Variants in KCNJ4 observed in about 807,000 individuals in gnomAD.
The protein encoded by KCNJ4 is potassium inwardly rectifying channel subfamily J member 4.
KCNJ4 carries 3 observed loss-of-function variants against 25.6 expected under a neutral mutation model. That is an observed-to-expected ratio of 0.12 (90% CI 0.05 to 0.30). The LOEUF (loss-of-function observed/expected upper bound fraction) is 0.30, where lower values mean the gene tolerates loss of function less well. Ranked by LOEUF, KCNJ4 falls within the 10% of genes least tolerant of loss-of-function variation. The pLI, the probability that KCNJ4 is intolerant of heterozygous loss-of-function variation, is 1.00. For synonymous variants in KCNJ4, 257 were observed against 283.9 expected, an observed-to-expected ratio of 0.91 and a Z score of 0.95; for missense variants, 286 against 666.8, an observed-to-expected ratio of 0.43 and a Z score of 6.29.
chr22:38,449,643 C>T lies in KCNJ4; in HGVS notation c.-40+5337G>A, dbSNP rs939087815. Among the ~76,000 whole-genome samples the T allele has an allele frequency of 1.3e-5, 2 of 152,234 alleles. No individual in the cohort carries two copies. Among genetic ancestry groups the T allele is most frequent in the African/African-American group, 2.4e-5 (1 of 41,456 alleles). On this transcript the variant is annotated intron_variant, in intron 1 of 1. Transcript: ENST00000303592. The surrounding 1 kb of genome is among the most constrained non-coding windows in gnomAD (Gnocchi z 5.2). ...GGGCAGGGGCCACACGCCAGCACTCCTCCCCACCGGTTTCCCACCCTGTGT... is the reference window on the plus strand; with the variant it reads ...GGGCAGGGGCCACACGCCAGCACTCTTCCCCACCGGTTTCCCACCCTGTGT...
intron 1 of KCNJ4, among the ~76,000 whole-genome samples, chr22:38,447,575 G>A (rs113865859): frequency 6.6e-6 from 1 of 152,240 alleles, no homozygotes; most frequent in Non-Finnish European, 1.5e-5. Flanking sequence ...GGAGAGGGGA[G>A]GCTCCTGGGG....
At chr22:38,446,731 G>A (rs1172322089) in intron 1 of KCNJ4, among the ~76,000 whole-genome samples, 5 of 152,108 alleles carry the variant, frequency 3.3e-5, no homozygotes, top group Non-Finnish European at 7.4e-5. Context: ...GAGGTGGATG[G>A]ATCACATGAG....
Position 38,443,766 on chromosome 22 carries a change from C to A in KCNJ4, c.-40+11214G>T, listed in dbSNP as rs1171660896. Among the ~76,000 whole-genome samples the A allele has an allele frequency of 6.6e-6, 1 of 152,094 alleles. No homozygotes were observed. Among genetic ancestry groups the A allele is most frequent in the East Asian group, 1.9e-4 (1 of 5,182 alleles). On this transcript the variant is annotated intron_variant, in intron 1 of 1. Transcript: ENST00000303592. This position sits in a 1 kb window ranked among gnomAD's most constrained non-coding sequence, Gnocchi z 4.1. The stretch of plus-strand genomic sequence containing the variant: ...CAAAGAGCCACATCACTATTGCAGC[C>A]CACAGTCTCTGCCCACCACCTCCTC...
chr22:38,427,440 C>T lies in KCNJ4; in HGVS notation c.693G>A (p.Glu231=). 6.2e-7 allele frequency: 1 copy of T among 1,613,600 alleles called. No individual in the cohort carries two copies. The highest frequency in any genetic ancestry group is 8.5e-7 in the Non-Finnish European group (1 of 1,179,744). ...AQLIKPYMTQ[E]GEYLPLDQRD... The stretch of plus-strand genomic sequence containing the variant: ...GCTGGTCCAGGGGCAGGTACTCGCC[C>T]TCCTGGGTCATGTAGGGCTTGATGA... The change falls in exon 2 of 2, where the codon GAG becomes GAA. Residue 231 remains glutamate (E), a synonymous_variant. Transcript: ENST00000303592.
chr22:38,447,412 C>T (rs1226196370), intron 1 of KCNJ4, among the ~76,000 whole-genome samples: 1 of 152,170 alleles, frequency 6.6e-6, no homozygotes, highest in Non-Finnish European at 1.5e-5. Flanking sequence ...CTCCATTTCA[C>T]CCCCAGCCAG....
chr22:38,429,600 G>T (rs1221365408), intron 1 of KCNJ4, among the ~76,000 whole-genome samples: 1 of 152,188 alleles, frequency 6.6e-6, no homozygotes, highest in Non-Finnish European at 1.5e-5. Context: ...CTTCCCAGGA[G>T]CTGGTGACAG....
In KCNJ4 at chr22:38,443,062, C is replaced by T. The variant is rs923610940; in HGVS notation, c.-40+11918G>A. On this transcript the variant is annotated intron_variant, in intron 1 of 1. Transcript: ENST00000303592. This position sits in a 1 kb window ranked among gnomAD's most constrained non-coding sequence, Gnocchi z 4.1. ...AGCCCTTCTTGAAGGGCATGACTTA[C>T]TCTCCACTCTTCCTCACCTCCTAGT... is the stretch of plus-strand genomic sequence containing the variant. Among the ~76,000 whole-genome samples, 1 of 152,134 alleles carries T rather than the reference C, an allele frequency of 6.6e-6. No homozygotes were observed. The highest frequency in any genetic ancestry group is 1.5e-5 in the Non-Finnish European group (1 of 68,020).
intron 1 of KCNJ4, among the ~76,000 whole-genome samples, chr22:38,434,631 C>T (rs1335807569): frequency 1.3e-5 from 2 of 152,096 alleles, no homozygotes; most frequent in Admixed American, 6.6e-5. Context: ...TGCCACATCA[C>T]CCTGCTCAAC....
rs552980929 is a variant in KCNJ4 at position 38,452,494 on chromosome 22, T to C, written c.-40+2486A>G. ...GTGAGCAGGAAGACAGGAAAGAAAG[T>C]TGAGGGCTGGCCACTTGCCCCCGGC... On this transcript the variant is annotated intron_variant, in intron 1 of 1. Coordinates refer to ENST00000303592, the MANE Select transcript of KCNJ4 (RefSeq NM_152868.3). Among the ~76,000 whole-genome samples the C allele has an allele frequency of 4.1e-4, 62 of 152,306 alleles. No homozygotes were observed. The East Asian group carries it at 0.011, about 27-fold the overall frequency.
intron 1 of KCNJ4, among the ~76,000 whole-genome samples, chr22:38,432,285 A>AAAT (rs10632921): frequency 3.3e-5 from 4 of 120,858 alleles, no homozygotes; most frequent in African/African-American, 1.7e-4. Context: ...ATAAATAAAT[A>AAAT]AAATAAAATA....
At chr22:38,436,107 G>A (rs2267386) in intron 1 of KCNJ4, among the ~76,000 whole-genome samples, 4,411 of 152,226 alleles carry the variant, frequency 0.029, 103 homozygotes, top group East Asian at 0.12. Context: ...GACCTTATGC[G>A]AGGAACTTAA....
At chr22:38,435,048 C>G (rs904536294) in intron 1 of KCNJ4, among the ~76,000 whole-genome samples, 1 of 152,232 alleles carries the variant, frequency 6.6e-6, no homozygotes, top group African/African-American at 2.4e-5. Flanking sequence ...AGCTGGGGAA[C>G]CCCTTCCACT....
chr22:38,446,815 G>C (rs1014328837), intron 1 of KCNJ4, among the ~76,000 whole-genome samples: 1 of 152,072 alleles, frequency 6.6e-6, no homozygotes, highest in African/African-American at 2.4e-5. Context: ...AATTAACCGA[G>C]CATGGTGGTG....
chr22:38,435,628 G>GGCTGCAGTGAGCCAAGATCGTGCC (rs1167710924), intron 1 of KCNJ4, among the ~76,000 whole-genome samples: 20 of 151,674 alleles, frequency 1.3e-4, no homozygotes, highest in Non-Finnish European at 2.2e-4. Context: ...AGGAGGCAGG[G>GGCTGCAGTGAGCCAAGATCGTGCC]GCTGCAGTGA....
intron 1 of KCNJ4, among the ~76,000 whole-genome samples, chr22:38,440,653 G>C (rs1191624757): frequency 6.6e-6 from 1 of 152,254 alleles, no homozygotes. Flanking sequence ...AGAGTGCAGT[G>C]CCAGTCGCTG....
Position 38,443,247 on chromosome 22 carries a change from C to A in KCNJ4, c.-40+11733G>T, listed in dbSNP as rs1353218707. On this transcript the variant is annotated intron_variant, in intron 1 of 1. Transcript: ENST00000303592. The surrounding 1 kb of genome is among the most constrained non-coding windows in gnomAD (Gnocchi z 4.1). ...TCTCCTGCCTCTGGCCTCTCCATGA[C>A]CCACACCGTGCAGTGCCCAGCTCCG... Among the ~76,000 whole-genome samples the A allele has an allele frequency of 6.6e-6, 1 of 152,066 alleles. No individual in the cohort carries two copies. The highest frequency in any genetic ancestry group is 1.5e-5 in the Non-Finnish European group (1 of 67,998).
At chr22:38,450,043 C>A (rs1269818495) in intron 1 of KCNJ4, among the ~76,000 whole-genome samples, 2 of 152,220 alleles carry the variant, frequency 1.3e-5, no homozygotes, top group Non-Finnish European at 1.5e-5. Flanking sequence ...AGCAGAGGGG[C>A]CTCAGCCCAT....
At chr22:38,430,553 A>T (rs933375009) in intron 1 of KCNJ4, among the ~76,000 whole-genome samples, 1 of 152,086 alleles carries the variant, frequency 6.6e-6, no homozygotes, top group Non-Finnish European at 1.5e-5. Context: ...CATGCTGGAG[A>T]CCCGACAGGT....
Position 38,426,981 on chromosome 22 carries a change from T to C in KCNJ4, c.1152A>G (p.Glu384=), listed in dbSNP as rs780348837. 1.2e-6 allele frequency: 2 copies of C among 1,612,724 alleles called. No individual in the cohort carries two copies. Among genetic ancestry groups the C allele is most frequent in the Non-Finnish European group, 1.7e-6 (2 of 1,179,844 alleles). The part of the protein sequence containing the change: ...ENELALMSQE[E]EEMEEEAAAA... ...CAGCTGCCTCCTCCTCCATCTCCTC[T>C]TCCTCCTGGCTCATAAGGGCCAGCT... The change falls in exon 2 of 2, where the codon GAA becomes GAG. Residue 384 remains glutamate, a synonymous_variant. Coordinates refer to ENST00000303592, the MANE Select transcript of KCNJ4 (RefSeq NM_152868.3).
Sources: gnomAD v4.1 joint callset for allele counts (sites outside exome capture counted in the v4.1 genomes callset) on GRCh38, gnomAD v4.1.1 for gene constraint, Gnocchi (gnomAD v3.1) non-coding constraint, MANE v1.5 for transcripts, NCBI Gene and HGNC (gene_info 2026-07-23, HGNC 2026-07-21) for gene names.